CACNA1C: variants seen among roughly 807,000 people sequenced by gnomAD.
CACNA1C encodes voltage-dependent L-type calcium channel subunit alpha-1C.
A neutral mutation model predicts 229.0 loss-of-function variants in CACNA1C; 30 were observed. The ratio of observed to expected loss-of-function variants is 0.13; its 90% confidence interval spans 0.10 to 0.18. The LOEUF (loss-of-function observed/expected upper bound fraction) is 0.18, where lower values mean the gene tolerates loss of function less well. Ranked by LOEUF, CACNA1C falls within the 10% of genes least tolerant of loss-of-function variation. The pLI, the probability that CACNA1C is intolerant of heterozygous loss-of-function variation, is 1.00. For missense variants in CACNA1C, 1,658 were observed against 2,845.0 expected, an observed-to-expected ratio of 0.58 and a Z score of 9.49; for synonymous variants, 1,114 against 1,132.5, an observed-to-expected ratio of 0.98 and a Z score of 0.33.
chr12:2,600,672 C>T (rs192711525), intron 21 of CACNA1C, among the ~76,000 whole-genome samples: 149 of 152,342 alleles, frequency 9.8e-4, no homozygotes, highest in Middle Eastern at 6.8e-3. Context: ...ACACCAGGCT[C>T]AGAGGGTGGT....
chr12:2,628,391 C>T (rs1458551616), intron 29 of CACNA1C, among the ~76,000 whole-genome samples: 3 of 152,208 alleles, frequency 2.0e-5, no homozygotes, highest in Non-Finnish European at 2.9e-5. Context: ...TCCCAAACAG[C>T]GTCAGCCAGA....
At chr12:2,525,544 G>A (rs946259554) in intron 9 of CACNA1C, among the ~76,000 whole-genome samples, 1 of 152,152 alleles carries the variant, frequency 6.6e-6, no homozygotes, top group Admixed American at 6.5e-5. Context: ...TCTGCCCCTT[G>A]GCATTCCAAG....
intron 3 of CACNA1C, among the ~76,000 whole-genome samples, chr12:2,437,343 A>G (rs1279989371): frequency 6.6e-6 from 1 of 152,150 alleles, no homozygotes; most frequent in African/African-American, 2.4e-5. Flanking sequence ...CACACTTCCC[A>G]TTCTGACAAT....
intron 38 of CACNA1C, 83 bp downstream of exon 38, chr12:2,669,118 C>A: frequency 1.1e-6 from 1 of 946,496 alleles, no homozygotes. Context: ...CTGCAAAGTG[C>A]TCAAGGGAAC....
intron 3 of CACNA1C, among the ~76,000 whole-genome samples, chr12:2,364,343 A>G (rs763307035): frequency 2.0e-5 from 3 of 152,204 alleles, no homozygotes; most frequent in Admixed American, 6.5e-5. Context: ...CAGTGGCAGT[A>G]AAAGTGCACA....
chr12:2,359,763 T>C (rs377121005), intron 3 of CACNA1C, among the ~76,000 whole-genome samples: 4 of 152,042 alleles, frequency 2.6e-5, no homozygotes, highest in African/African-American at 9.7e-5. Context: ...GCTTCCAGTT[T>C]GTGGAGGGTT....
At chr12:2,227,233 C>T (rs2063280061) in intron 3 of CACNA1C, among the ~76,000 whole-genome samples, 2 of 152,244 alleles carry the variant, frequency 1.3e-5, no homozygotes, top group Admixed American at 6.5e-5. Context: ...ATGGTTCTTG[C>T]ACTTCAGTGT....
intron 9 of CACNA1C, among the ~76,000 whole-genome samples, chr12:2,535,762 C>G (rs1470121243): frequency 7.0e-6 from 1 of 143,354 alleles, no homozygotes; most frequent in Non-Finnish European, 1.5e-5. Context: ...CATAAAGTAG[C>G]CAGATGGACC....
intron 3 of CACNA1C, among the ~76,000 whole-genome samples, chr12:2,315,683 G>T (rs1019475014): frequency 1.3e-5 from 2 of 152,130 alleles, no homozygotes; most frequent in African/African-American, 4.8e-5. Context: ...TAAAAGGGAA[G>T]AAAAAACCCT....
chr12:2,572,640 TCTC>T (rs2056312324), intron 13 of CACNA1C, among the ~76,000 whole-genome samples: 1 of 41,196 alleles, frequency 2.4e-5, no homozygotes, highest in Non-Finnish European at 4.6e-5. Flanking sequence ...TCCTCCTCCT[TCTC>T]CTCTTCCTCC....
At position 2,546,463 on chromosome 12, in the gene CACNA1C, A is replaced by G. The variant is rs552111529; in HGVS notation, c.1391-3480A>G. Among the ~76,000 whole-genome samples, 853 of 151,992 alleles carry G rather than the reference A, an allele frequency of 5.6e-3. 8 individuals carry two copies. The highest frequency in any genetic ancestry group is 0.02 in the African/African-American group (819 of 41,386). On this transcript the variant is annotated intron_variant, in intron 9 of 46. Transcript: ENST00000399655. ...TCTGTGCAGTTGCTGGTGTCTTCAC[A>G]CTATTCCCTGCAGTAGCTGATGTCT...
At chr12:2,480,349 T>C (rs2099670478) in intron 5 of CACNA1C, among the ~76,000 whole-genome samples, 1 of 152,210 alleles carries the variant, frequency 6.6e-6, no homozygotes. Context: ...CACCACTTCC[T>C]GGAAAGCCTT....
intron 3 of CACNA1C, among the ~76,000 whole-genome samples, chr12:2,371,115 G>A (rs1019494258): frequency 3.3e-5 from 5 of 152,172 alleles, no homozygotes; most frequent in African/African-American, 1.2e-4. Context: ...GGCTACATGA[G>A]GCTGAAAAAT....
intron 3 of CACNA1C, among the ~76,000 whole-genome samples, chr12:2,269,047 C>T (rs1473444945): frequency 6.6e-6 from 1 of 152,174 alleles, no homozygotes; most frequent in African/African-American, 2.4e-5. Context: ...CAGGTACCAG[C>T]AAGCCTGTGT....
intron 1 of CACNA1C, among the ~76,000 whole-genome samples, chr12:2,103,169 C>T (rs2077041609): frequency 6.6e-6 from 1 of 152,200 alleles, no homozygotes; most frequent in Admixed American, 6.5e-5. Context: ...CACTGTCTTC[C>T]ACAATGGTTG....
At chr12:2,395,560 G>GC (rs2098554472) in intron 3 of CACNA1C, among the ~76,000 whole-genome samples, 1 of 152,008 alleles carries the variant, frequency 6.6e-6, no homozygotes, top group African/African-American at 2.4e-5. Flanking sequence ...GACTCAGTGC[G>GC]CCCCCAGTGG....
intron 3 of CACNA1C, among the ~76,000 whole-genome samples, chr12:2,293,178 C>T (rs1468690433): frequency 2.6e-5 from 4 of 152,104 alleles, no homozygotes; most frequent in Admixed American, 6.5e-5. Context: ...GGCAAGGAAA[C>T]GGTAACACTT....
intron 3 of CACNA1C, among the ~76,000 whole-genome samples, chr12:2,166,659 GA>G (rs2096249538): frequency 6.6e-6 from 1 of 152,192 alleles, no homozygotes; most frequent in Non-Finnish European, 1.5e-5. Flanking sequence ...GCGTTGTTAG[GA>G]GGACTAAATG....
At position 2,320,928 on chromosome 12, in the gene CACNA1C, G is replaced by A. The variant is rs139348103; in HGVS notation, c.478-128048G>A. Among the ~76,000 whole-genome samples, 961 of 152,316 alleles carry A rather than the reference G, an allele frequency of 6.3e-3. 13 individuals are homozygous for A. Among genetic ancestry groups the A allele is most frequent in the African/African-American group, 0.021 (861 of 41,554 alleles). ...AGGTCCTGGGTGACCTGCCAGACAA[G>A]CTAGACCATCTACAACCCTGGGGGG... On this transcript the variant is annotated intron_variant, in intron 3 of 46. Transcript: ENST00000399655.
Sources: allele counts gnomAD v4.1 joint callset (sites outside exome capture counted in the v4.1 genomes callset), GRCh38; gene constraint gnomAD v4.1.1; transcripts MANE v1.5; gene names NCBI Gene and HGNC (gene_info 2026-07-23, HGNC 2026-07-21).